DMD: variants seen among roughly 807,000 people sequenced by gnomAD.
DMD encodes the protein dystrophin.
A neutral mutation model predicts 330.1 loss-of-function variants in DMD; 63 were observed. The observed-to-expected ratio is 0.19, with a 90% CI of 0.16 to 0.24. The LOEUF (loss-of-function observed/expected upper bound fraction) is 0.24. Among genes scored for constraint, DMD ranks in the 10% least tolerant of loss-of-function variants. The pLI is 1.00. For missense variants in DMD, 3,344 were observed against 2,684.1 expected, an observed-to-expected ratio of 1.25 and a Z score of -5.43; for synonymous variants, 1,223 against 959.8, an observed-to-expected ratio of 1.27 and a Z score of -5.07.
chrX:31,154,282 T>G (rs992860143), intron 74 of DMD, among the ~76,000 whole-genome samples: 9 of 95,052 alleles, frequency 9.5e-5, no homozygotes, highest in African/African-American at 3.9e-4. Context: ...TATTCTAATG[T>G]TTTTTTTTTA....
intron 1 of DMD, among the ~76,000 whole-genome samples, chrX:33,167,206 T>A (rs2148685172): frequency 9.0e-6 from 1 of 111,657 alleles, no homozygotes; most frequent in Non-Finnish European, 1.9e-5. Context: ...AGCTGGAGAG[T>A]AATCCATATT....
chrX:32,407,132 A>C lies in DMD; in HGVS notation c.4233+4620T>G, dbSNP rs754297873. Reference sequence around the variant, plus strand: ...AAGCCAAAATTGACAAATGGGATCTAATTAAACTAAAGAGCTTCTGCACAG... The same window carrying C: ...AAGCCAAAATTGACAAATGGGATCTCATTAAACTAAAGAGCTTCTGCACAG... On this transcript the variant is annotated intron_variant, in intron 30 of 78. Transcript: ENST00000357033. Among the ~76,000 whole-genome samples the C allele has an allele frequency of 3.7e-3, 415 of 111,682 alleles. 2 individuals carry two copies. Among genetic ancestry groups the C allele is most frequent in the African/African-American group, 0.013 (388 of 30,734 alleles).
At chrX:32,434,438 A>C (rs1269537618) in intron 29 of DMD, among the ~76,000 whole-genome samples, 1 of 112,099 alleles carries the variant, frequency 8.9e-6, no homozygotes, top group African/African-American at 3.2e-5. Flanking sequence ...AAAAATAGAA[A>C]ATAACCACAA....
At chrX:31,663,258 G>T (rs2081235934) in intron 53 of DMD, among the ~76,000 whole-genome samples, 1 of 111,432 alleles carries the variant, frequency 9.0e-6, no homozygotes, top group Admixed American at 9.6e-5. Context: ...CTTACATTGG[G>T]TGAATTAGCA....
In DMD at chrX:31,479,103, C is replaced by A; in HGVS notation, c.8548G>T (p.Ala2850Ser). ...AVQKQNDVHR[A>S]FKRELKTKEP... ...TTAGTTTTCAATTCCCTCTTGAAGG[C>A]CTGTGAAATGAGATGAAAAGAAGTG... Residue 2850 changes from alanine (A) to serine (S), a missense_variant and splice_region_variant, in exon 58 of 79, where the codon GCC becomes TCC. Ala to Ser is a moderately conservative substitution (Grantham distance 99, BLOSUM62 1). Transcript: ENST00000357033. 1 of 1,210,414 alleles carries A rather than the reference C, an allele frequency of 8.3e-7. No individual in the cohort carries two copies.
chrX:33,051,507 T>A (rs902223796), intron 1 of DMD, among the ~76,000 whole-genome samples: 2 of 108,164 alleles, frequency 1.8e-5, no homozygotes, highest in Non-Finnish European at 3.8e-5. Flanking sequence ...CCCCTGCGCC[T>A]GGCCTCAACC....
intron 44 of DMD, among the ~76,000 whole-genome samples, chrX:32,201,798 G>A (rs2097040420): frequency 9.0e-6 from 1 of 110,672 alleles, no homozygotes; most frequent in South Asian, 3.8e-4. Flanking sequence ...TACAGGCAAA[G>A]TCATTCGCTT....
intron 1 of DMD, among the ~76,000 whole-genome samples, chrX:33,338,832 T>C (rs892721912): frequency 1.8e-5 from 2 of 111,851 alleles, no homozygotes; most frequent in African/African-American, 6.5e-5. Context: ...ATTTTCAACC[T>C]ATCCAAACAT....
At chrX:32,927,077 CT>C (rs1405535362) in intron 2 of DMD, among the ~76,000 whole-genome samples, 2 of 110,918 alleles carry the variant, frequency 1.8e-5, no homozygotes, top group African/African-American at 6.5e-5. Flanking sequence ...AATTTATTGA[CT>C]TTTTTATTCC....
intron 54 of DMD, among the ~76,000 whole-genome samples, chrX:31,630,117 A>G (rs1418294436): frequency 8.9e-6 from 1 of 112,003 alleles, no homozygotes; most frequent in African/African-American, 3.2e-5. Context: ...GAAAGTAACT[A>G]GTAAATAACT....
chrX:33,220,891 T>C (rs1007655079), intron 1 of DMD, among the ~76,000 whole-genome samples: 2 of 112,257 alleles, frequency 1.8e-5, no homozygotes, highest in Middle Eastern at 4.6e-3. Flanking sequence ...TTATATTATG[T>C]TGATAACTTT....
At chrX:31,669,934 T>A (rs2081654948) in intron 53 of DMD, among the ~76,000 whole-genome samples, 1 of 110,529 alleles carries the variant, frequency 9.0e-6, no homozygotes, top group South Asian at 3.8e-4. Flanking sequence ...TAATATTAAG[T>A]CTTTTGATCT....
intron 1 of DMD, among the ~76,000 whole-genome samples, chrX:33,040,535 AC>A (rs1373364896): frequency 9.0e-6 from 1 of 110,924 alleles, no homozygotes; most frequent in Non-Finnish European, 1.9e-5. Context: ...TCCCTTTAGG[AC>A]CGCAGACACT....
In DMD at chrX:32,331,145, G is replaced by A. The variant is rs747144880; in HGVS notation, c.5922+10955C>T. ...TTTAGTCTTGCATACTTCATAATGC[G>A]GAATGACTGTAACATCAGTCAAGAA... On this transcript the variant is annotated intron_variant, in intron 41 of 78. Coordinates refer to ENST00000357033, the MANE Select transcript of DMD (RefSeq NM_004006.3). Among the ~76,000 whole-genome samples, 260 of 111,549 alleles carry A rather than the reference G, an allele frequency of 2.3e-3. 2 individuals carry two copies. The highest frequency in any genetic ancestry group is 2.1e-3 in the Non-Finnish European group (109 of 52,966).
intron 9 of DMD, among the ~76,000 whole-genome samples, chrX:32,666,700 G>A (rs766818251): frequency 2.7e-5 from 3 of 109,649 alleles, no homozygotes; most frequent in Admixed American, 2.0e-4. Context: ...GTGGTGGTGG[G>A]TGCCTGTAGT....
intron 2 of DMD, among the ~76,000 whole-genome samples, chrX:32,891,149 A>G (rs1157072304): frequency 1.8e-5 from 2 of 112,497 alleles, no homozygotes; most frequent in Non-Finnish European, 3.7e-5. Context: ...TTTGGACAGC[A>G]CTGGCCTGGA....
At chrX:31,850,833 T>C (rs1481575731) in intron 48 of DMD, among the ~76,000 whole-genome samples, 1 of 112,514 alleles carries the variant, frequency 8.9e-6, no homozygotes. Flanking sequence ...AATATTATAG[T>C]AAAACAAACA....
intron 2 of DMD, among the ~76,000 whole-genome samples, chrX:32,879,007 C>CAAAAAAAAAAAAA (rs780431879): frequency 1.1e-4 from 7 of 65,757 alleles, no homozygotes; most frequent in Non-Finnish European, 2.1e-4. Context: ...GACTACGTCT[C>CAAAAAAAAAAAAA]AAAAAAAAAA....
chrX:32,748,551 T>C (rs2148260120), intron 7 of DMD, among the ~76,000 whole-genome samples: 1 of 111,137 alleles, frequency 9.0e-6, no homozygotes, highest in African/African-American at 3.3e-5. Context: ...AAAATATATT[T>C]TGAAATGAGT....
Sources: allele counts gnomAD v4.1 joint callset (sites outside exome capture counted in the v4.1 genomes callset), GRCh38; gene constraint gnomAD v4.1.1; transcripts MANE v1.5; gene names NCBI Gene and HGNC (gene_info 2026-07-23, HGNC 2026-07-21).